OPRK1: variants seen among roughly 807,000 people sequenced by gnomAD.
OPRK1 encodes opioid receptor kappa 1, also known as kappa-type opioid receptor.
A neutral mutation model predicts 24.5 loss-of-function variants in OPRK1; 15 were observed. The ratio of observed to expected loss-of-function variants is 0.61; its 90% CI spans 0.41 to 0.94. The LOEUF is 0.94. OPRK1 is among the 40% of genes least tolerant of loss of function. The pLI, the probability that OPRK1 is intolerant of heterozygous loss-of-function variation, is 0.00. For synonymous variants in OPRK1, 205 were observed against 198.0 expected, an observed-to-expected ratio of 1.04 and a Z score of -0.30; for missense variants, 479 against 507.3, an observed-to-expected ratio of 0.94 and a Z score of 0.54.
rs1806948978 is a variant in OPRK1, at chr8:53,234,808, T to C, written c.561A>G (p.Ser187=). ...IINICIWLLS[S]SVGISAIVLG... ...GGACTATTGCAGAGATGCCAACAGA[T>C]GACGACAGCAGCCAGATGCAGATAT... Residue 187 remains serine (S), a synonymous_variant, in exon 3 of 4, where the codon TCA becomes TCG. Transcript: ENST00000265572. 1.9e-6 allele frequency: 3 copies of C among 1,614,224 alleles called. No individual in the cohort carries two copies. The highest frequency in any genetic ancestry group is 1.7e-5 in the Admixed American group (1 of 60,024).
intron 2 of OPRK1, chr8:53,238,594 G>A (rs751327535): frequency 2.0e-6 from 2 of 985,458 alleles, no homozygotes; most frequent in Non-Finnish European, 2.4e-6. Flanking sequence ...CAGAGACTTA[G>A]AAATGCTCCC....
intron 2 of OPRK1, among the ~76,000 whole-genome samples, chr8:53,250,386 C>G (rs1288771515): frequency 6.6e-6 from 1 of 152,112 alleles, no homozygotes; most frequent in East Asian, 1.9e-4. Flanking sequence ...TTGCAAAGGG[C>G]ATAACAAAGT....
intron 2 of OPRK1, among the ~76,000 whole-genome samples, chr8:53,250,038 CTTA>C (rs1055901506): frequency 1.3e-5 from 2 of 151,140 alleles, no homozygotes; most frequent in African/African-American, 4.9e-5. Flanking sequence ...TATTGGGATA[CTTA>C]TTATTGGAAG....
intron 2 of OPRK1, among the ~76,000 whole-genome samples, chr8:53,235,730 A>G (rs933146790): frequency 3.9e-5 from 6 of 152,216 alleles, no homozygotes; most frequent in African/African-American, 1.4e-4. Flanking sequence ...TCATAGCACT[A>G]AGCATAGTAT....
intron 2 of OPRK1, among the ~76,000 whole-genome samples, chr8:53,237,096 A>C (rs1236240328): frequency 6.6e-6 from 1 of 152,172 alleles, no homozygotes; most frequent in Non-Finnish European, 1.5e-5. Flanking sequence ...CCCAGACAGC[A>C]TGTCTAATCT....
rs1433348238 is a variant in OPRK1 at position 53,250,948 on chromosome 8, A to G, written c.90T>C (p.Phe30=). 2 of 1,610,260 alleles carry G rather than the reference A, an allele frequency of 1.2e-6. No individual in the cohort carries two copies. Among genetic ancestry groups the G allele is most frequent in the Non-Finnish European group, 1.7e-6 (2 of 1,178,256 alleles). ...TGCTGTCGGGCTCGGCCCAGCCGGG[A>G]AACCAGGCGCTGCTGTTGGGGGGCA... The part of the protein sequence containing the change: ...ACLPPNSSAW[F]PGWAEPDSNG... Residue 30 remains phenylalanine (F), a synonymous_variant, in exon 2 of 4, where the codon TTT becomes TTC. Coordinates refer to ENST00000265572, the MANE Select transcript of OPRK1 (RefSeq NM_000912.5).
At chr8:53,241,416 A>C (rs1329074300) in intron 2 of OPRK1, among the ~76,000 whole-genome samples, 1 of 151,918 alleles carries the variant, frequency 6.6e-6, no homozygotes, top group African/African-American at 2.4e-5. Context: ...TCTAGAAAAG[A>C]AAGGAGGGAG....
rs749297710 is a variant in OPRK1, at chr8:53,250,870, C to T, written c.168G>A (p.Pro56=). The T allele has an allele frequency of 6.2e-7, 1 of 1,613,324 alleles. No homozygotes were observed. The highest frequency in any genetic ancestry group is 8.5e-7 in the Non-Finnish European group (1 of 1,179,762). Residue 56 remains proline (P), a synonymous_variant, in exon 2 of 4, where the codon CCG becomes CCA. Coordinates refer to ENST00000265572, the MANE Select transcript of OPRK1 (RefSeq NM_000912.5). ...DAQLEPAHIS[P]AIPVIITAVY... ...CCGCCGTGATGATGACCGGGATGGC[C>T]GGGGAGATGTGCGCGGGCTCCAGCT...
Position 53,251,094 on chromosome 8 carries a change from G to T in OPRK1, c.-48-9C>A. 7.0e-7 allele frequency: 1 copy of T among 1,433,918 alleles called. No individual in the cohort carries two copies. Among genetic ancestry groups the T allele is most frequent in the South Asian group, 1.5e-5 (1 of 66,946 alleles). 88.8% of individuals were successfully genotyped at this position (1,433,918 alleles called of 1,614,324 possible). On this transcript the variant is annotated splice_polypyrimidine_tract_variant and intron_variant, in intron 1 of 3. Coordinates refer to ENST00000265572, the MANE Select transcript of OPRK1 (RefSeq NM_000912.5). The stretch of plus-strand genomic sequence containing the variant: ...AGGCGGCACCTGCGGCGCTGCGGGA[G>T]CGAAAGAACCGGCTGGACGCGGAGA...
At chr8:53,241,123 G>A (rs947298005) in intron 2 of OPRK1, among the ~76,000 whole-genome samples, 13 of 150,674 alleles carry the variant, frequency 8.6e-5, no homozygotes, top group Non-Finnish European at 1.6e-4. Context: ...GTGCATGTGT[G>A]GGGGCATGGG....
chr8:53,227,911 C>T lies in OPRK1; in HGVS notation c.*1386G>A, dbSNP rs200868900. 7 of 152,132 alleles carry T rather than the reference C, an allele frequency of 4.6e-5. No homozygotes were observed. The highest frequency in any genetic ancestry group is 3.2e-3 in the Middle Eastern group (1 of 316). 9.4% of individuals were successfully genotyped at this position (152,132 alleles called of 1,614,324 possible). On this transcript the variant is annotated 3_prime_UTR_variant, in exon 4 of 4. Coordinates refer to ENST00000265572, the MANE Select transcript of OPRK1 (RefSeq NM_000912.5). The stretch of plus-strand genomic sequence containing the variant: ...GCTTGGAGTGTTATTTCTAAATTAT[C>T]CCTTTTTTCTTCTCAGGCAAATTAC...
chr8:53,228,286 A>T lies in OPRK1; in HGVS notation c.*1011T>A, dbSNP rs986003508. ...AAATAAACTAGATCCTGCGAAGGCT[A>T]CAACCTGGGAGCTAGTTAAAGCCTT... is the stretch of plus-strand genomic sequence containing the variant. On this transcript the variant is annotated 3_prime_UTR_variant, in exon 4 of 4. Transcript: ENST00000265572. The T allele has an allele frequency of 1.3e-5, 2 of 152,256 alleles. No individual in the cohort carries two copies. Among genetic ancestry groups the T allele is most frequent in the African/African-American group, 4.8e-5 (2 of 41,468 alleles). The allele number at this position is 152,256 out of a possible 1,614,324, so 9.4% of individuals were successfully genotyped here.
Position 53,229,541 on chromosome 8 carries a change from C to T in OPRK1, c.899G>A (p.Gly300Glu). The T allele has an allele frequency of 6.2e-7, 1 of 1,614,122 alleles. No homozygotes were observed. The highest frequency in any genetic ancestry group is 8.5e-7 in the Non-Finnish European group (1 of 1,180,028). ...IHIFILVEAL[G>E]STSHSTAALS... Reference sequence around the variant, plus strand: ...AGCAGCTGTGCTGTGGGAGGTGCTCCCCAGAGCCTCCACCAGGATGAATAT... The same window carrying T: ...AGCAGCTGTGCTGTGGGAGGTGCTCTCCAGAGCCTCCACCAGGATGAATAT... The change falls in exon 4 of 4, where the codon GGG becomes GAG. Residue 300 changes from glycine (G) to glutamate (E), a missense_variant. By Grantham distance (98) the Gly-to-Glu change is moderately conservative. Coordinates refer to ENST00000265572, the MANE Select transcript of OPRK1 (RefSeq NM_000912.5).
Position 53,249,102 on chromosome 8 carries a change from C to T in OPRK1, c.257+1679G>A, listed in dbSNP as rs953882126. Among the ~76,000 whole-genome samples the T allele has an allele frequency of 6.6e-5, 10 of 152,176 alleles. No homozygotes were observed. The East Asian group carries it at 1.9e-3, about 29-fold the overall frequency. ...TTAGGATTCTTCATTCTTTTTAATCCTAGTCTGCAAAAGGTTGTAGAGCAA... is the reference window on the plus strand; with the variant it reads ...TTAGGATTCTTCATTCTTTTTAATCTTAGTCTGCAAAAGGTTGTAGAGCAA... On this transcript the variant is annotated intron_variant, in intron 2 of 3. Transcript: ENST00000265572.
chr8:53,246,715 G>A (rs1310473644), intron 2 of OPRK1, among the ~76,000 whole-genome samples: 1 of 152,182 alleles, frequency 6.6e-6, no homozygotes, highest in East Asian at 1.9e-4. Flanking sequence ...TGTGTATGTA[G>A]AGAAGCAGTG....
chr8:53,244,441 T>C (rs1484751678), intron 2 of OPRK1, among the ~76,000 whole-genome samples: 2 of 152,206 alleles, frequency 1.3e-5, no homozygotes, highest in African/African-American at 2.4e-5. Context: ...TGTTTTCTTC[T>C]ACACCCCTTA....
intron 2 of OPRK1, among the ~76,000 whole-genome samples, chr8:53,241,794 C>T (rs1807121428): frequency 1.3e-5 from 2 of 152,218 alleles, no homozygotes; most frequent in South Asian, 4.1e-4. Flanking sequence ...GGACTCCAGA[C>T]GCACAGCCCC....
Position 53,227,117 on chromosome 8 carries a change from G to C in OPRK1, c.*2180C>G, listed in dbSNP as rs1204032420. ...TACTAAAAATACAAAAATTAGCCGG[G>C]CTTGGCGGTGCACGCCTGTAATCCC... is the stretch of plus-strand genomic sequence containing the variant. On this transcript the variant is annotated 3_prime_UTR_variant, in exon 4 of 4. Coordinates refer to ENST00000265572, the MANE Select transcript of OPRK1 (RefSeq NM_000912.5). The C allele has an allele frequency of 6.6e-6, 1 of 152,326 alleles. No homozygotes were observed. The highest frequency in any genetic ancestry group is 2.4e-5 in the African/African-American group (1 of 41,422). 9.4% of individuals were successfully genotyped at this position (152,326 alleles called of 1,614,324 possible).
intron 2 of OPRK1, among the ~76,000 whole-genome samples, chr8:53,250,325 G>T (rs1285264095): frequency 1.3e-5 from 2 of 152,080 alleles, no homozygotes; most frequent in African/African-American, 4.8e-5. Flanking sequence ...CAGGAAATTC[G>T]GAATTATCTT....
Sources: allele counts gnomAD v4.1 joint callset (sites outside exome capture counted in the v4.1 genomes callset), GRCh38; gene constraint gnomAD v4.1.1; transcripts MANE v1.5; gene names NCBI Gene and HGNC (gene_info 2026-07-23, HGNC 2026-07-21).